The following GALNT17 variants were observed in gnomAD, a reference collection of about 807,000 sequenced individuals.
The protein encoded by GALNT17 is polypeptide N-acetylgalactosaminyltransferase 17, also known as UDP-GalNAc:polypeptide N-acetylgalactosaminyltransferase-like 3.
Under a neutral mutation model 63.7 loss-of-function variants are expected in GALNT17, and 29 were observed. The observed-to-expected ratio is 0.46, with a 90% confidence interval of 0.34 to 0.62. The LOEUF (loss-of-function observed/expected upper bound fraction) is 0.62, where lower values mean the gene tolerates loss of function less well. GALNT17 is among the 20% of genes least tolerant of loss of function. The probability of loss-of-function intolerance (pLI) is 0.01; values close to 1 mark genes in which losing one functional copy is unlikely to be tolerated. For synonymous variants in GALNT17, 305 were observed against 318.3 expected (o/e 0.96, Z 0.45); for missense variants, 603 against 799.6 (o/e 0.75, Z 2.97).
chr7:71,200,305 C>T (rs1328319782), intron 1 of GALNT17, among the ~76,000 whole-genome samples: 1 of 152,156 alleles, frequency 6.6e-6, no homozygotes, highest in Non-Finnish European at 1.5e-5. Context: ...ATTGATGGAG[C>T]ATCTGCTCTG....
chr7:71,629,298 G>GTGAATTAA (rs1790422693), intron 6 of GALNT17, among the ~76,000 whole-genome samples: 1 of 152,128 alleles, frequency 6.6e-6, no homozygotes, highest in South Asian at 2.1e-4. Context: ...CCTGCGGGCT[G>GTGAATTAA]CATTCACACC....
intron 5 of GALNT17, among the ~76,000 whole-genome samples, chr7:71,484,216 G>T (rs570203324): frequency 6.0e-4 from 91 of 152,254 alleles, no homozygotes; most frequent in African/African-American, 2.1e-3. Context: ...GGCCAGATGC[G>T]GTGGCTCATG....
At chr7:71,306,555 G>A (rs906324513) in intron 1 of GALNT17, among the ~76,000 whole-genome samples, 16 of 152,164 alleles carry the variant, frequency 1.1e-4, no homozygotes, top group African/African-American at 3.6e-4. Context: ...GTTGTAGCAT[G>A]TGTTAGGATT....
intron 5 of GALNT17, among the ~76,000 whole-genome samples, chr7:71,444,437 A>T (rs1787123003): frequency 6.6e-6 from 1 of 152,164 alleles, no homozygotes; most frequent in African/African-American, 2.4e-5. Context: ...GCTTAGGAGG[A>T]TATAGACACC....
At chr7:71,140,204 A>G (rs536526584) in intron 1 of GALNT17, among the ~76,000 whole-genome samples, 36 of 152,292 alleles carry the variant, frequency 2.4e-4, no homozygotes, top group Non-Finnish European at 2.8e-4. Context: ...TGCTGCAGGG[A>G]ACATCAGAAG....
chr7:71,652,117 T>C (rs190713671), intron 6 of GALNT17, among the ~76,000 whole-genome samples: 1 of 152,284 alleles, frequency 6.6e-6, no homozygotes, highest in African/African-American at 2.4e-5. Flanking sequence ...TTCTGGGCTC[T>C]ATAGATCAAG....
chr7:71,508,309 C>T (rs1024191662), intron 5 of GALNT17, among the ~76,000 whole-genome samples: 1 of 152,190 alleles, frequency 6.6e-6, no homozygotes, highest in African/African-American at 2.4e-5. Context: ...TTACGTGAAA[C>T]CAGCTAATCC....
chr7:71,591,921 T>C (rs867703678), intron 6 of GALNT17, among the ~76,000 whole-genome samples: 1 of 152,178 alleles, frequency 6.6e-6, no homozygotes, highest in Admixed American at 6.5e-5. Flanking sequence ...CCTCGGCCTC[T>C]CAAAGTGCTG....
chr7:71,441,014 T>G (rs1227961680), intron 5 of GALNT17, among the ~76,000 whole-genome samples: 2 of 130,712 alleles, frequency 1.5e-5, no homozygotes, highest in Non-Finnish European at 3.5e-5. Context: ...TTTTTTGTTG[T>G]TGTTCTTTTT....
At chr7:71,480,816 G>A (rs768258442) in intron 5 of GALNT17, among the ~76,000 whole-genome samples, 1 of 152,166 alleles carries the variant, frequency 6.6e-6, no homozygotes, top group African/African-American at 2.4e-5. Flanking sequence ...TAAAGCCACT[G>A]ATTTCTGAAG....
rs1288108935 is a variant in GALNT17, at chr7:71,151,749, T to A, written c.238+18709T>A. On this transcript the variant is annotated intron_variant, in intron 1 of 10. Transcript: ENST00000333538. ...AACGCTGCTTCTTGGAGCTGAGGGA[T>A]AAGTATTGAAATATGGCTAAGTTGT... 2.0e-5 allele frequency among the ~76,000 whole-genome samples: 3 copies of A among 152,190 alleles called. No homozygotes were observed. In the South Asian group the frequency reaches 6.2e-4, roughly 31 times the overall value.
intron 5 of GALNT17, among the ~76,000 whole-genome samples, chr7:71,426,533 C>T (rs1161565619): frequency 2.0e-5 from 3 of 152,166 alleles, no homozygotes; most frequent in African/African-American, 7.2e-5. Context: ...GTTCTGCAGG[C>T]TGTACAAACC....
chr7:71,163,891 G>A (rs906260274), intron 1 of GALNT17, among the ~76,000 whole-genome samples: 4 of 152,152 alleles, frequency 2.6e-5, no homozygotes, highest in African/African-American at 7.2e-5. Flanking sequence ...TCTCATCTTT[G>A]CTCATAGTAT....
At chr7:71,427,403 T>C (rs193015206) in intron 5 of GALNT17, among the ~76,000 whole-genome samples, 67 of 152,036 alleles carry the variant, frequency 4.4e-4, no homozygotes, top group Admixed American at 3.1e-3. Flanking sequence ...CTGGCCTCAT[T>C]TACTCTTAAC....
intron 5 of GALNT17, among the ~76,000 whole-genome samples, chr7:71,469,394 TA>T (rs1299004429): frequency 3.3e-5 from 5 of 152,190 alleles, no homozygotes; most frequent in African/African-American, 1.2e-4. Context: ...TTCGACACAT[TA>T]AATTACACAG....
At chr7:71,700,791 T>C (rs1050742110) in intron 9 of GALNT17, among the ~76,000 whole-genome samples, 19 of 152,220 alleles carry the variant, frequency 1.2e-4, no homozygotes, top group Non-Finnish European at 4.4e-5. Flanking sequence ...CTATTCTGCT[T>C]TTATGAACCA....
intron 2 of GALNT17, among the ~76,000 whole-genome samples, chr7:71,377,248 T>A (rs909180743): frequency 6.6e-6 from 1 of 150,534 alleles, no homozygotes; most frequent in African/African-American, 2.4e-5. Context: ...CCCCACAAAT[T>A]TTTGGCTAAA....
At chr7:71,521,750 A>G (rs1174167381) in intron 5 of GALNT17, among the ~76,000 whole-genome samples, 1 of 152,230 alleles carries the variant, frequency 6.6e-6, no homozygotes, top group Non-Finnish European at 1.5e-5. Flanking sequence ...ACTGAATATC[A>G]TCAATCATGC....
intron 2 of GALNT17, among the ~76,000 whole-genome samples, chr7:71,346,277 A>C (rs1459284677): frequency 6.6e-6 from 1 of 151,944 alleles, no homozygotes; most frequent in Non-Finnish European, 1.5e-5. Context: ...TCTATGTTAA[A>C]CTTTCTTTTT....
Sources: allele counts gnomAD v4.1 joint callset (sites outside exome capture counted in the v4.1 genomes callset), GRCh38; gene constraint gnomAD v4.1.1; transcripts MANE v1.5; gene names NCBI Gene and HGNC (gene_info 2026-07-23, HGNC 2026-07-21).